Variants in KIAA0513 observed in about 807,000 individuals in gnomAD.
KIAA0513 encodes the protein uncharacterized protein KIAA0513.
In KIAA0513, 39 loss-of-function variants were observed where a neutral mutation model predicts 56.5. That is an observed-to-expected ratio of 0.69 (90% CI 0.53 to 0.90). The LOEUF is 0.90. KIAA0513 is among the 40% of genes least tolerant of loss of function. KIAA0513 has a pLI of 0.00. For synonymous variants in KIAA0513, 268 were observed against 215.6 expected, an observed-to-expected ratio of 1.24 and a Z score of -2.13; for missense variants, 591 against 535.2, an observed-to-expected ratio of 1.10 and a Z score of -1.03.
At chr16:85,059,395 C>A (rs923598948) in intron 1 of KIAA0513, among the ~76,000 whole-genome samples, 2 of 152,234 alleles carry the variant, frequency 1.3e-5, no homozygotes, top group African/African-American at 4.8e-5. Flanking sequence ...GCCCCTTGAG[C>A]TGTGCCTCAT....
intron 6 of KIAA0513, among the ~76,000 whole-genome samples, 194 bp from the exon 7 acceptor site, chr16:85,078,221 A>G (rs2073687602): frequency 6.6e-6 from 1 of 152,194 alleles, no homozygotes; most frequent in Non-Finnish European, 1.5e-5. Context: ...GACATAAAGA[A>G]ACCTCAATGC....
chr16:85,079,404 A>C (rs1052513456), intron 8 of KIAA0513: 10 of 196,532 alleles, frequency 5.1e-5, no homozygotes, highest in African/African-American at 2.3e-4. Flanking sequence ...ATGGCTGTCC[A>C]GTGATGAATG....
In KIAA0513 at chr16:85,067,367, T is replaced by G. The variant is rs1448259381; in HGVS notation, c.296T>G (p.Met99Arg). Reference sequence around the variant, plus strand: ...GAGACCCTGGCACTCAGGGACTTCATGCGTGGCTACGTGGAGAAGATCTTC... The same window carrying G: ...GAGACCCTGGCACTCAGGGACTTCAGGCGTGGCTACGTGGAGAAGATCTTC... ...DEETLALRDF[M>R]RGYVEKIFSG... The change falls in exon 2 of 13, where the codon ATG (methionine) becomes AGG (arginine). Residue 99 changes from methionine (M) to arginine (R), a missense_variant. By Grantham distance (91) the Met-to-Arg change is moderately conservative. Transcript: ENST00000683363. 1.2e-6 allele frequency: 2 copies of G among 1,607,152 alleles called. No individual in the cohort carries two copies. The highest frequency in any genetic ancestry group is 1.7e-6 in the Non-Finnish European group (2 of 1,179,910).
chr16:85,069,831 G>C (rs901706340), intron 2 of KIAA0513, among the ~76,000 whole-genome samples: 3 of 152,140 alleles, frequency 2.0e-5, no homozygotes, highest in Non-Finnish European at 4.4e-5. Context: ...CGTCTGAGAG[G>C]CACTGGCTTA....
At chr16:85,086,566 C>A in intron 10 of KIAA0513, 78 bp from the exon 11 acceptor site, 1 of 1,393,288 alleles carries the variant, frequency 7.2e-7, no homozygotes, top group Non-Finnish European at 1.0e-6. Context: ...CCAGCACCTG[C>A]GGGTCAGAAC....
Position 85,092,528 on chromosome 16 carries a change from G to A in KIAA0513, c.*4203G>A, listed in dbSNP as rs929346853. ...GTGTTCTGAGGCTGGTCCCTCCTCAGTTTCCGCAGCCACAAGGCGAAACGG... is the reference window on the plus strand; with the variant it reads ...GTGTTCTGAGGCTGGTCCCTCCTCAATTTCCGCAGCCACAAGGCGAAACGG... On this transcript the variant is annotated 3_prime_UTR_variant, in exon 13 of 13. Transcript: ENST00000683363. 4.6e-5 allele frequency: 7 copies of A among 152,194 alleles called. No homozygotes were observed. Among genetic ancestry groups the A allele is most frequent in the Admixed American group, 3.9e-4 (6 of 15,274 alleles). The allele number at this position is 152,194 out of a possible 1,614,324, so 9.4% of individuals were successfully genotyped here.
intron 1 of KIAA0513, among the ~76,000 whole-genome samples, chr16:85,048,783 T>C (rs911840176): frequency 6.6e-6 from 1 of 152,206 alleles, no homozygotes; most frequent in Non-Finnish European, 1.5e-5. Flanking sequence ...AATCAAATAT[T>C]GTTAAACATG....
intron 1 of KIAA0513, among the ~76,000 whole-genome samples, chr16:85,031,217 C>A (rs908680386): frequency 2.0e-5 from 3 of 152,142 alleles, no homozygotes; most frequent in Non-Finnish European, 2.9e-5. Flanking sequence ...GTGGTGGCTA[C>A]GCTTGGAATA....
intron 1 of KIAA0513, among the ~76,000 whole-genome samples, chr16:85,037,647 T>C (rs1343207955): frequency 6.6e-6 from 1 of 152,238 alleles, no homozygotes; most frequent in Non-Finnish European, 1.5e-5. Context: ...AGAGGCAGAT[T>C]ATGTTGAACT....
chr16:85,056,569 C>T (rs1457094113), intron 1 of KIAA0513, among the ~76,000 whole-genome samples: 3 of 152,224 alleles, frequency 2.0e-5, no homozygotes, highest in African/African-American at 7.2e-5. Context: ...GACACAGTTC[C>T]CCAAGTCTTC....
chr16:85,054,410 CTTTT>C (rs2073298253), intron 1 of KIAA0513, among the ~76,000 whole-genome samples: 1 of 140,158 alleles, frequency 7.1e-6, no homozygotes, highest in Non-Finnish European at 1.5e-5. Flanking sequence ...TCTTTTTTTT[CTTTT>C]TCTTTTCTTT....
intron 1 of KIAA0513, among the ~76,000 whole-genome samples, chr16:85,056,810 A>G (rs2073336859): frequency 2.6e-5 from 4 of 152,066 alleles, no homozygotes; most frequent in Admixed American, 2.6e-4. Context: ...AGGAATCCTC[A>G]TGCCTCAGCC....
At chr16:85,050,596 G>T (rs144221417) in intron 1 of KIAA0513, among the ~76,000 whole-genome samples, 2 of 152,110 alleles carry the variant, frequency 1.3e-5, no homozygotes, top group African/African-American at 4.8e-5. Context: ...GATTACAGGC[G>T]TGAGCCGCCG....
At chr16:85,051,887 C>G (rs1176017216) in intron 1 of KIAA0513, among the ~76,000 whole-genome samples, 1 of 151,564 alleles carries the variant, frequency 6.6e-6, no homozygotes, top group Non-Finnish European at 1.5e-5. Context: ...CTCCTGGGCT[C>G]AAGTGACCCT....
chr16:85,067,453 G>T (rs2073504062), intron 2 of KIAA0513, 53 bp downstream of exon 2: 3 of 1,406,604 alleles, frequency 2.1e-6, no homozygotes, highest in African/African-American at 2.8e-5. Context: ...GGCCCAAGGG[G>T]ACTCGCCTCC....
intron 1 of KIAA0513, among the ~76,000 whole-genome samples, chr16:85,045,048 G>A (rs1038145326): frequency 3.0e-4 from 45 of 152,130 alleles, no homozygotes; most frequent in African/African-American, 9.7e-4. Flanking sequence ...AACCTGGGAG[G>A]TGGAGCTTGT....
chr16:85,036,208 A>T (rs1254811229), intron 1 of KIAA0513, among the ~76,000 whole-genome samples: 1 of 152,014 alleles, frequency 6.6e-6, no homozygotes, highest in African/African-American at 2.4e-5. Flanking sequence ...ACATTTTTCC[A>T]TTTCAATTGT....
At chr16:85,075,316 T>G (rs2144055852) in intron 4 of KIAA0513, among the ~76,000 whole-genome samples, 1 of 152,194 alleles carries the variant, frequency 6.6e-6, no homozygotes, top group East Asian at 1.9e-4. Flanking sequence ...GGGATCAGGA[T>G]AGAAAGGCAA....
At chr16:85,066,636 G>C (rs1338424911) in intron 1 of KIAA0513, among the ~76,000 whole-genome samples, 1 of 152,216 alleles carries the variant, frequency 6.6e-6, no homozygotes, top group African/African-American at 2.4e-5. Flanking sequence ...TGGGGCTGGA[G>C]CGGGGAGGAG....
Sources: allele counts gnomAD v4.1 joint callset (sites outside exome capture counted in the v4.1 genomes callset), GRCh38; gene constraint gnomAD v4.1.1; transcripts MANE v1.5; gene names NCBI Gene and HGNC (gene_info 2026-07-23, HGNC 2026-07-21).